The following LIPK variants were observed in gnomAD, a reference collection of about 807,000 sequenced individuals.
The protein encoded by LIPK is lipase family member K, also known as lipase member K.
Under a neutral mutation model 48.6 loss-of-function variants are expected in LIPK, and 32 were observed. The observed-to-expected ratio is 0.66, with a 90% CI of 0.50 to 0.88. The LOEUF (loss-of-function observed/expected upper bound fraction) is 0.88. Among genes scored for constraint, LIPK ranks in the 40% least tolerant of loss-of-function variants. The pLI is 0.00. For missense variants in LIPK, 507 were observed against 478.5 expected, an observed-to-expected ratio of 1.06 and a Z score of -0.56; for synonymous variants, 164 against 157.4, an observed-to-expected ratio of 1.04 and a Z score of -0.32.
At chr10:88,730,568 C>A (rs566454711) in intron 3 of LIPK, among the ~76,000 whole-genome samples, 2 of 152,262 alleles carry the variant, frequency 1.3e-5, no homozygotes, top group East Asian at 3.9e-4. Flanking sequence ...AGATTATAGG[C>A]GTGAGCCACC....
At chr10:88,733,124 T>C (rs894704959) in intron 6 of LIPK, among the ~76,000 whole-genome samples, 2 of 152,228 alleles carry the variant, frequency 1.3e-5, no homozygotes, top group African/African-American at 4.8e-5. Context: ...GTTTTTGTTA[T>C]CATTAGTTTT....
intron 1 of LIPK, among the ~76,000 whole-genome samples, chr10:88,723,561 T>C (rs1379976681): frequency 1.3e-5 from 2 of 152,184 alleles, no homozygotes; most frequent in African/African-American, 4.8e-5. Context: ...TAAACTTAAG[T>C]AGTTTCAAAG....
At chr10:88,744,055 G>C (rs115375668) in intron 9 of LIPK, among the ~76,000 whole-genome samples, 2,820 of 152,284 alleles carry the variant, frequency 0.019, 88 homozygotes, top group African/African-American at 0.064. Flanking sequence ...AGGTAGCGCT[G>C]GCCTTTGTTG....
chr10:88,749,777 T>TTCATGATC (rs1554826601), intron 9 of LIPK, among the ~76,000 whole-genome samples: 1 of 152,042 alleles, frequency 6.6e-6, no homozygotes, highest in South Asian at 2.1e-4. Context: ...ATGCCAAAAG[T>TTCATGATC]AATTGCAACA....
At chr10:88,741,977 G>T (rs1025124430) in intron 8 of LIPK, among the ~76,000 whole-genome samples, 1 of 152,156 alleles carries the variant, frequency 6.6e-6, no homozygotes, top group Admixed American at 6.5e-5. Flanking sequence ...AGGAAGCATG[G>T]CTAGGAGGCC....
At chr10:88,745,371 GC>G (rs1319252946) in intron 9 of LIPK, among the ~76,000 whole-genome samples, 11 of 152,036 alleles carry the variant, frequency 7.2e-5, no homozygotes. Flanking sequence ...AATATTAAAG[GC>G]AGCTAGAGAG....
intron 1 of LIPK, among the ~76,000 whole-genome samples, chr10:88,714,061 A>G (rs2134687305): frequency 6.6e-6 from 1 of 152,100 alleles, no homozygotes; most frequent in Admixed American, 6.6e-5. Flanking sequence ...ATTTAATAGC[A>G]CCTCCAGTAT....
intron 1 of LIPK, among the ~76,000 whole-genome samples, chr10:88,723,265 G>A (rs1026478050): frequency 1.3e-5 from 2 of 152,002 alleles, no homozygotes; most frequent in Admixed American, 6.6e-5. Context: ...TACATAATAG[G>A]TGCTCAATAC....
At chr10:88,723,994 T>G (rs1842284612) in intron 1 of LIPK, among the ~76,000 whole-genome samples, 1 of 152,164 alleles carries the variant, frequency 6.6e-6, no homozygotes, top group South Asian at 2.1e-4. Flanking sequence ...TAATAAGAAA[T>G]AATTTTATAC....
In LIPK at chr10:88,737,747, C is replaced by T. The variant is rs1222299250; in HGVS notation, c.782C>T (p.Thr261Ile). The change falls in exon 7 of 10, where the codon ACT (threonine) becomes ATT (isoleucine). Residue 261 changes from threonine (T) to isoleucine (I), a missense_variant. Physicochemically the swap from Thr to Ile is moderately conservative, Grantham distance 89. Transcript: ENST00000404190. ...CGTATTTGCAGCAACTTCCTATTTA[C>T]TCTGAGTGGATTTGATCCGCAAAAC... is the stretch of plus-strand genomic sequence containing the variant. Reference protein sequence around the residue: ...FRRICSNFLFTLSGFDPQNLN... With the variant: ...FRRICSNFLFILSGFDPQNLN... 1 of 1,613,832 alleles carries T rather than the reference C, an allele frequency of 6.2e-7. No homozygotes were observed. The highest frequency in any genetic ancestry group is 8.5e-7 in the Non-Finnish European group (1 of 1,179,772).
intron 7 of LIPK, among the ~76,000 whole-genome samples, chr10:88,738,365 T>C (rs1407617639): frequency 2.6e-5 from 4 of 151,696 alleles, no homozygotes; most frequent in African/African-American, 9.7e-5. Flanking sequence ...AAGAGAGGAG[T>C]TGTGTTTGAA....
chr10:88,731,933 G>A (rs17112257), intron 4 of LIPK, among the ~76,000 whole-genome samples: 6,030 of 152,274 alleles, frequency 0.04, 176 homozygotes, highest in South Asian at 0.093. Context: ...AATACGACTA[G>A]CCTTGCAAGA....
At chr10:88,743,584 A>G (rs1003605967) in intron 9 of LIPK, among the ~76,000 whole-genome samples, 2 of 152,166 alleles carry the variant, frequency 1.3e-5, no homozygotes, top group Non-Finnish European at 2.9e-5. Flanking sequence ...ATTCGCTAGT[A>G]AACAACCAGA....
At position 88,752,454 on chromosome 10, in the gene LIPK, A is replaced by T. The variant is rs1044379599; in HGVS notation, c.961-63A>T. 5 of 1,210,038 alleles carry T rather than the reference A, an allele frequency of 4.1e-6. No individual in the cohort carries two copies. The African/African-American group carries it at 7.6e-5, about 18-fold the overall frequency. 75.0% of individuals were successfully genotyped at this position (1,210,038 alleles called of 1,614,324 possible). A position where few individuals can be genotyped will look rare whatever the true frequency, so the allele number is the denominator to read the frequency against. ...AGAACTTGCTCAACAGCTGACAGTT[A>T]ATGTTACTTCTATAATGTAATATTC... On this transcript the variant is annotated intron_variant, in intron 9 of 9. Transcript: ENST00000404190.
chr10:88,747,768 C>T (rs571050667), intron 9 of LIPK, among the ~76,000 whole-genome samples: 17 of 152,120 alleles, frequency 1.1e-4, no homozygotes, highest in South Asian at 2.1e-4. Flanking sequence ...TAGATGCTGG[C>T]GAGGCTGTGG....
chr10:88,724,538 TC>T lies in LIPK; in HGVS notation c.-3del. Reference sequence around the variant, plus strand: ...TATTAAATTTCCTTTCCTAGGCAGATCCCAAATGTGGCAGCTTTTAGCAGCA... The same window carrying T: ...TATTAAATTTCCTTTCCTAGGCAGATCCAAATGTGGCAGCTTTTAGCAGCA... On this transcript the variant is annotated 5_prime_UTR_variant, in exon 2 of 10. Transcript: ENST00000404190. 1 of 1,586,866 alleles carries T rather than the reference TC, an allele frequency of 6.3e-7. No individual in the cohort carries two copies. Among genetic ancestry groups the T allele is most frequent in the African/African-American group, 1.3e-5 (1 of 74,142 alleles).
At chr10:88,706,838 T>A (rs1384670805) in intron 1 of LIPK, among the ~76,000 whole-genome samples, 1 of 152,156 alleles carries the variant, frequency 6.6e-6, no homozygotes, top group African/African-American at 2.4e-5. Flanking sequence ...ATGAAATCAA[T>A]CATTTGTGGA....
At chr10:88,736,442 A>C (rs1276763157) in intron 6 of LIPK, among the ~76,000 whole-genome samples, 1 of 152,204 alleles carries the variant, frequency 6.6e-6, no homozygotes, top group African/African-American at 2.4e-5. Flanking sequence ...ATAATTTAAT[A>C]ATAGTAGCAG....
chr10:88,721,473 G>A (rs1251439281), intron 1 of LIPK, among the ~76,000 whole-genome samples: 1 of 152,194 alleles, frequency 6.6e-6, no homozygotes, highest in Non-Finnish European at 1.5e-5. Flanking sequence ...TCCTCTTGCT[G>A]CGGTGTGTCA....
Sources: gnomAD v4.1 joint callset for allele counts (sites outside exome capture counted in the v4.1 genomes callset) on GRCh38, gnomAD v4.1.1 for gene constraint, MANE v1.5 for transcripts, NCBI Gene and HGNC (gene_info 2026-07-23, HGNC 2026-07-21) for gene names.